The following HSD17B4 variants were observed in gnomAD, a reference collection of about 807,000 sequenced individuals.
HSD17B4 encodes hydroxysteroid 17-beta dehydrogenase 4, also known as peroxisomal multifunctional enzyme type 2.
In HSD17B4, 70 loss-of-function variants were observed where a neutral mutation model predicts 101.0. The observed-to-expected ratio is 0.69, with a 90% confidence interval of 0.57 to 0.85. HSD17B4 has a LOEUF of 0.85. HSD17B4 is among the 40% of genes least tolerant of loss of function. The pLI is 0.00. For synonymous variants in HSD17B4, 347 were observed against 297.1 expected (o/e 1.17, Z -1.73); for missense variants, 984 against 892.4 (o/e 1.10, Z -1.31).
chr5:119,513,962 C>T (rs1194054387), intron 16 of HSD17B4, among the ~76,000 whole-genome samples: 1 of 152,168 alleles, frequency 6.6e-6, no homozygotes, highest in East Asian at 1.9e-4. Flanking sequence ...AGGCAGCCCT[C>T]AGAATCAAGA....
rs899617042 is a variant in HSD17B4 at position 119,467,902 on chromosome 5, T to C, written c.113-6006T>C. On this transcript the variant is annotated intron_variant, in intron 2 of 23. Coordinates refer to ENST00000510025, the MANE Select transcript of HSD17B4 (RefSeq NM_000414.4). The stretch of plus-strand genomic sequence containing the variant: ...GTATAGAATATCTTTTTCTGTCCTT[T>C]CATTTTCAGTCCATGTGTGTCTTTA... Among the ~76,000 whole-genome samples the C allele has an allele frequency of 2.6e-5, 4 of 152,186 alleles. No homozygotes were observed. In the East Asian group the frequency reaches 7.7e-4, roughly 29 times the overall value.
At chr5:119,519,929 A>T (rs908909969) in intron 17 of HSD17B4, among the ~76,000 whole-genome samples, 1 of 152,192 alleles carries the variant, frequency 6.6e-6, no homozygotes, top group Non-Finnish European at 1.5e-5. Flanking sequence ...ATAATCTGAG[A>T]TATTACTGAC....
rs565453675 is a variant in HSD17B4, at chr5:119,490,331, C to T, written c.714+1048C>T. Among the ~76,000 whole-genome samples, 15 of 152,170 alleles carry T rather than the reference C, an allele frequency of 9.9e-5. 1 individual carries two copies. The South Asian group carries it at 2.9e-3, about 29-fold the overall frequency. On this transcript the variant is annotated intron_variant, in intron 9 of 23. Coordinates refer to ENST00000510025, the MANE Select transcript of HSD17B4 (RefSeq NM_000414.4). ...AGCCATCTGTAATTCAGAATTTTGC[C>T]TGCTCTACTTTTACCTCATTAAGGA... is the stretch of plus-strand genomic sequence containing the variant.
chr5:119,541,800 T>A lies in HSD17B4; in HGVS notation c.2122-105T>A. 1.1e-5 allele frequency: 8 copies of A among 729,490 alleles called. No individual in the cohort carries two copies. The Admixed American group carries it at 1.4e-4, about 13-fold the overall frequency. The allele number at this position is 729,490 out of a possible 1,614,324, so 45.2% of individuals were successfully genotyped here. On this transcript the variant is annotated intron_variant, in intron 23 of 23. Coordinates refer to ENST00000510025, the MANE Select transcript of HSD17B4 (RefSeq NM_000414.4). ...TAAAGGTTGCCTTTGTTGTCCAGAA[T>A]TATTAGCTCAATTGTATTCAGTCTG...
intron 2 of HSD17B4, among the ~76,000 whole-genome samples, chr5:119,459,072 C>T (rs1458994825): frequency 2.0e-5 from 3 of 152,218 alleles, no homozygotes; most frequent in Non-Finnish European, 4.4e-5. Flanking sequence ...CATGACTTTT[C>T]CGTGCTACAG....
chr5:119,477,585 T>A (rs1748709409), intron 7 of HSD17B4, 84 bp downstream of exon 7: 1 of 922,930 alleles, frequency 1.1e-6, no homozygotes, highest in Non-Finnish European at 1.8e-6. Flanking sequence ...ATGTGAAGTG[T>A]TGTGAAATGA....
intron 2 of HSD17B4, among the ~76,000 whole-genome samples, chr5:119,461,309 AATAAAT>A (rs1022621386): frequency 6.6e-5 from 10 of 152,222 alleles, no homozygotes; most frequent in African/African-American, 2.4e-4. Context: ...GCAAAACAAT[AATAAAT>A]ATAAATATAA....
intron 8 of HSD17B4, among the ~76,000 whole-genome samples, chr5:119,485,240 A>G (rs1045497099): frequency 4.6e-5 from 7 of 152,160 alleles, no homozygotes; most frequent in African/African-American, 1.4e-4. Context: ...GGGAAGCCGT[A>G]CGTTTTCAAG....
rs1750353180 is a variant in HSD17B4, at chr5:119,493,903, G to A, written c.825G>A (p.Lys275=). Residue 275 remains lysine, a synonymous_variant, in exon 11 of 24, where the codon AAG becomes AAA. Transcript: ENST00000510025. ...AGGCAGTCAAGGCTAACTGGAAGAA[G>A]ATCTGTGACTTTGAGAATGCCAGCA... ...TPEAVKANWK[K]ICDFENASKP... The A allele has an allele frequency of 6.2e-7, 1 of 1,613,386 alleles. No homozygotes were observed. Among genetic ancestry groups the A allele is most frequent in the Non-Finnish European group, 8.5e-7 (1 of 1,179,520 alleles).
intron 14 of HSD17B4, among the ~76,000 whole-genome samples, chr5:119,503,429 G>A (rs1041287166): frequency 6.6e-6 from 1 of 151,966 alleles, no homozygotes; most frequent in Non-Finnish European, 1.5e-5. Context: ...CTCAGCCTGT[G>A]CATTTTCTTT....
chr5:119,490,825 C>T (rs1287443298), intron 9 of HSD17B4, among the ~76,000 whole-genome samples: 1 of 152,138 alleles, frequency 6.6e-6, no homozygotes, highest in African/African-American at 2.4e-5. Context: ...GCCTTGGCCT[C>T]CCAAAGTCCT....
chr5:119,456,402 C>G lies in HSD17B4; in HGVS notation c.112+34C>G, dbSNP rs201891493. The G allele has an allele frequency of 8.0e-6, 10 of 1,254,958 alleles. No homozygotes were observed. In the African/African-American group the frequency reaches 1.2e-4, roughly 15 times the overall value. 77.7% of individuals were successfully genotyped at this position (1,254,958 alleles called of 1,614,324 possible). On this transcript the variant is annotated intron_variant, in intron 2 of 23. Coordinates refer to ENST00000510025, the MANE Select transcript of HSD17B4 (RefSeq NM_000414.4). ...GTGTGTTTTTCTTTTTAATCTGTAGCTGATAACTGAAATACAATCTTTACA... is the reference window on the plus strand; with the variant it reads ...GTGTGTTTTTCTTTTTAATCTGTAGGTGATAACTGAAATACAATCTTTACA...
At chr5:119,529,773 TTATTA>T (rs1753896959) in intron 20 of HSD17B4, 116 bp from the exon 21 acceptor site, 1 of 665,312 alleles carries the variant, frequency 1.5e-6, no homozygotes, top group Non-Finnish European at 2.7e-6. Context: ...TTTATCTGGA[TTATTA>T]TATTCTTTTT....
chr5:119,541,989 C>T lies in HSD17B4; in HGVS notation c.2206C>T (p.Leu736Phe). The change falls in exon 24 of 24, where the codon CTC becomes TTC. Residue 736 changes from leucine to phenylalanine, a missense_variant. Transcript: ENST00000510025. ...LQMILKDYAK[L>F] ...GATGATTCTTAAAGACTACGCCAAG[C>T]TCTGAAGGGCACACTACACTATTAA... 6.3e-7 allele frequency: 1 copy of T among 1,598,474 alleles called. No individual in the cohort carries two copies. Among genetic ancestry groups the T allele is most frequent in the Non-Finnish European group, 8.6e-7 (1 of 1,166,318 alleles).
Position 119,478,982 on chromosome 5 carries a change from A to C in HSD17B4, c.583A>C (p.Asn195His). ...SNIHCNTIAP[N>H]AGSRMTQTVM... is the part of the protein sequence containing the mutation. ...CATTCATTGTAACACCATTGCTCCT[A>C]ATGCGGGATCACGGATGACTCAGAC... is the stretch of plus-strand genomic sequence containing the variant. Residue 195 changes from asparagine to histidine, a missense_variant, in exon 8 of 24, where the codon AAT becomes CAT. Coordinates refer to ENST00000510025, the MANE Select transcript of HSD17B4 (RefSeq NM_000414.4). 6.2e-7 allele frequency: 1 copy of C among 1,613,698 alleles called. No individual in the cohort carries two copies. The highest frequency in any genetic ancestry group is 8.5e-7 in the Non-Finnish European group (1 of 1,179,690).
intron 17 of HSD17B4, among the ~76,000 whole-genome samples, chr5:119,519,226 G>A (rs114880979): frequency 0.017 from 2,568 of 152,234 alleles, 76 homozygotes; most frequent in African/African-American, 0.058. Flanking sequence ...CAATTCCACT[G>A]CAATAATCTA....
At chr5:119,517,137 C>T (rs192486164) in intron 17 of HSD17B4, among the ~76,000 whole-genome samples, 39 of 152,216 alleles carry the variant, frequency 2.6e-4, no homozygotes, top group Middle Eastern at 3.4e-3. Context: ...GGGCTGCGCG[C>T]GGCGCTCGCA....
chr5:119,471,615 G>C, intron 2 of HSD17B4: 1 of 1,111,548 alleles, frequency 9.0e-7, no homozygotes, highest in Non-Finnish European at 1.2e-6. Flanking sequence ...TTATTAATTA[G>C]TAACTTTTTT....
chr5:119,540,028 G>C (rs751712928), intron 23 of HSD17B4, among the ~76,000 whole-genome samples: 39 of 152,118 alleles, frequency 2.6e-4, no homozygotes, highest in Non-Finnish European at 4.9e-4. Flanking sequence ...AGGAGGCTTA[G>C]GCTGCAGTGA....
Sources: allele counts gnomAD v4.1 joint callset (sites outside exome capture counted in the v4.1 genomes callset), GRCh38; gene constraint gnomAD v4.1.1; transcripts MANE v1.5; gene names NCBI Gene and HGNC (gene_info 2026-07-23, HGNC 2026-07-21).